SIK3: variants seen among roughly 807,000 people sequenced by gnomAD.
SIK3 encodes the protein SIK family kinase 3.
A neutral mutation model predicts 144.2 loss-of-function variants in SIK3; 28 were observed. The ratio of observed to expected loss-of-function variants is 0.19; its 90% CI spans 0.14 to 0.27. The LOEUF is 0.27. Ranked by LOEUF, SIK3 falls within the 10% of genes least tolerant of loss-of-function variation. SIK3 has a pLI of 1.00. For missense variants in SIK3, 1,319 were observed against 1,776.0 expected, an observed-to-expected ratio of 0.74 and a Z score of 4.62; for synonymous variants, 686 against 676.3, an observed-to-expected ratio of 1.01 and a Z score of -0.22.
chr11:116,903,883 GC>G (rs1945876107), intron 4 of SIK3, among the ~76,000 whole-genome samples: 1 of 152,206 alleles, frequency 6.6e-6, no homozygotes, highest in Admixed American at 6.5e-5. Flanking sequence ...ACTGCACCAA[GC>G]CAAGAAAAGC....
At chr11:116,881,157 T>A (rs1168355070) in intron 6 of SIK3, among the ~76,000 whole-genome samples, 1 of 151,754 alleles carries the variant, frequency 6.6e-6, no homozygotes, top group Non-Finnish European at 1.5e-5. Flanking sequence ...AATAAATAAA[T>A]AAAAAATAAA....
chr11:116,974,532 AG>A (rs1263952036), intron 1 of SIK3, among the ~76,000 whole-genome samples: 2 of 152,062 alleles, frequency 1.3e-5, no homozygotes, highest in Non-Finnish European at 2.9e-5. Flanking sequence ...CTGGGCCTAC[AG>A]GCATGTGCCA....
chr11:117,037,579 G>A (rs915035165), intron 1 of SIK3, among the ~76,000 whole-genome samples: 3 of 152,140 alleles, frequency 2.0e-5, no homozygotes, highest in South Asian at 4.1e-4. Context: ...TACTGAGGAC[G>A]GGGCAGCTCA....
intron 1 of SIK3, among the ~76,000 whole-genome samples, chr11:116,999,466 G>A (rs996407722): frequency 2.7e-4 from 41 of 152,266 alleles, no homozygotes; most frequent in African/African-American, 9.9e-4. Flanking sequence ...AATTCTAACT[G>A]CCCACTATTG....
intron 2 of SIK3, among the ~76,000 whole-genome samples, chr11:116,955,928 A>C (rs1238155889): frequency 6.6e-6 from 1 of 151,988 alleles, no homozygotes; most frequent in Admixed American, 6.5e-5. Context: ...TTTTCCATAA[A>C]ACTAAGAGGC....
At chr11:116,970,613 G>A (rs1041316348) in intron 1 of SIK3, among the ~76,000 whole-genome samples, 8 of 152,008 alleles carry the variant, frequency 5.3e-5, no homozygotes, top group African/African-American at 1.9e-4. Context: ...GCCTCCCAAA[G>A]TGCTAGGATA....
At chr11:116,891,405 C>T (rs1945100372) in intron 6 of SIK3, among the ~76,000 whole-genome samples, 1 of 152,210 alleles carries the variant, frequency 6.6e-6, no homozygotes, top group African/African-American at 2.4e-5. Flanking sequence ...CACTTGAACC[C>T]AGGAGTTCGA....
rs11216241 is a variant in SIK3 at position 117,028,533 on chromosome 11, A to G, written c.273+69610T>C. ...AACACAGACAAGGAAGCCCTTAACA[A>G]TTCCTATAGAGGGCTTGCTTTCCAT... is the stretch of plus-strand genomic sequence containing the variant. On this transcript the variant is annotated intron_variant, in intron 1 of 24. Coordinates refer to ENST00000445177, the MANE Select transcript of SIK3 (RefSeq NM_001366686.3). Among the ~76,000 whole-genome samples the G allele has an allele frequency of 3.5e-4, 53 of 151,714 alleles. 1 individual carries two copies. The highest frequency in any genetic ancestry group is 1.3e-3 in the African/African-American group (53 of 41,234).
At chr11:116,976,691 C>G (rs1296484359) in intron 1 of SIK3, among the ~76,000 whole-genome samples, 1 of 152,176 alleles carries the variant, frequency 6.6e-6, no homozygotes, top group East Asian at 1.9e-4. Flanking sequence ...TGTGAGCCCC[C>G]CTACAGGGCC....
chr11:116,983,884 C>A (rs540666132), intron 1 of SIK3, among the ~76,000 whole-genome samples: 1 of 151,740 alleles, frequency 6.6e-6, no homozygotes, highest in Non-Finnish European at 1.5e-5. Context: ...GGGCAACATG[C>A]GAAATCCCAT....
intron 1 of SIK3, among the ~76,000 whole-genome samples, chr11:116,986,096 T>C (rs973312355): frequency 2.2e-4 from 33 of 152,180 alleles, no homozygotes; most frequent in Non-Finnish European, 3.4e-4. Context: ...TTTAGACATA[T>C]AGCGTTTACT....
chr11:116,962,390 T>C (rs1269618243), intron 1 of SIK3, among the ~76,000 whole-genome samples: 3 of 152,196 alleles, frequency 2.0e-5, no homozygotes, highest in African/African-American at 2.4e-5. Flanking sequence ...TCAAAGAATA[T>C]AGTGAGCAGA....
At chr11:117,091,245 C>T (rs1173684000) in intron 1 of SIK3, among the ~76,000 whole-genome samples, 1 of 120,050 alleles carries the variant, frequency 8.3e-6, no homozygotes, top group Non-Finnish European at 1.7e-5. Flanking sequence ...ACTCTTGTTG[C>T]CCAGGCTGGA....
intron 1 of SIK3, among the ~76,000 whole-genome samples, chr11:116,998,298 C>T (rs993464778): frequency 4.6e-5 from 7 of 151,714 alleles, no homozygotes; most frequent in Non-Finnish European, 7.4e-5. Flanking sequence ...GGTGAAACCC[C>T]GTCTCTACTA....
intron 6 of SIK3, among the ~76,000 whole-genome samples, chr11:116,894,921 C>T (rs1241918509): frequency 6.6e-6 from 1 of 152,192 alleles, no homozygotes; most frequent in African/African-American, 2.4e-5. Flanking sequence ...CTACCGGCAA[C>T]ATAGCAGCCA....
At chr11:116,947,262 T>TTA (rs200671503) in intron 3 of SIK3, among the ~76,000 whole-genome samples, 7,096 of 100,168 alleles carry the variant, frequency 0.071, 397 homozygotes, top group Middle Eastern at 0.17. Context: ...TATTTATATA[T>TTA]TATATATATA....
intron 1 of SIK3, among the ~76,000 whole-genome samples, chr11:116,961,528 C>T (rs1271685548): frequency 2.0e-5 from 3 of 152,010 alleles, no homozygotes; most frequent in Non-Finnish European, 2.9e-5. Flanking sequence ...CTGAATGTGT[C>T]CACAACAAAG....
chr11:117,074,335 C>G (rs1179716705), intron 1 of SIK3, among the ~76,000 whole-genome samples: 1 of 152,176 alleles, frequency 6.6e-6, no homozygotes, highest in Non-Finnish European at 1.5e-5. Flanking sequence ...CCCACCCCCA[C>G]TTCCCTACAG....
At chr11:116,999,297 T>C (rs1259070032) in intron 1 of SIK3, among the ~76,000 whole-genome samples, 1 of 152,220 alleles carries the variant, frequency 6.6e-6, no homozygotes, top group African/African-American at 2.4e-5. Flanking sequence ...AGAACAGACA[T>C]TTTGTAATTA....
Sources: allele counts gnomAD v4.1 joint callset (sites outside exome capture counted in the v4.1 genomes callset), GRCh38; gene constraint gnomAD v4.1.1; transcripts MANE v1.5; gene names NCBI Gene and HGNC (gene_info 2026-07-23, HGNC 2026-07-21).